Variants in FGF12 observed in about 807,000 individuals in gnomAD.
FGF12 encodes the protein fibroblast growth factor 12B.
Under a neutral mutation model 23.6 loss-of-function variants are expected in FGF12, and 14 were observed. The observed-to-expected ratio is 0.59, with a 90% CI of 0.39 to 0.93. The LOEUF (loss-of-function observed/expected upper bound fraction) is 0.93, where lower values mean the gene tolerates loss of function less well. Among genes scored for constraint, FGF12 ranks in the 40% least tolerant of loss-of-function variants. The probability of loss-of-function intolerance (pLI) is 0.00; values close to 1 mark genes in which losing one functional copy is unlikely to be tolerated. For missense variants in FGF12, 175 were observed against 217.8 expected, an observed-to-expected ratio of 0.80 and a Z score of 1.24; for synonymous variants, 62 against 77.3, an observed-to-expected ratio of 0.80 and a Z score of 1.04.
chr3:192,713,083 A>C (rs1718748216), intron 2 of FGF12, among the ~76,000 whole-genome samples: 2 of 151,528 alleles, frequency 1.3e-5, no homozygotes, highest in Non-Finnish European at 2.9e-5. Flanking sequence ...CACAGAAAAA[A>C]AACAAAATCT....
At chr3:192,432,562 T>G (rs1576977671) in intron 2 of FGF12, among the ~76,000 whole-genome samples, 1 of 129,564 alleles carries the variant, frequency 7.7e-6, no homozygotes. Context: ...GAACCGCCTG[T>G]GGGAAGGGCC....
chr3:192,273,888 G>A (rs1254870350), intron 4 of FGF12, among the ~76,000 whole-genome samples: 1 of 148,518 alleles, frequency 6.7e-6, no homozygotes, highest in East Asian at 2.1e-4. Context: ...GAGTCTTCAG[G>A]ATGTTAAGTG....
At chr3:192,257,954 T>A (rs959635564) in intron 4 of FGF12, among the ~76,000 whole-genome samples, 1 of 150,480 alleles carries the variant, frequency 6.6e-6, no homozygotes, top group African/African-American at 2.4e-5. Context: ...TAAATTCCAA[T>A]CCTTACGGTA....
intron 2 of FGF12, among the ~76,000 whole-genome samples, chr3:192,561,604 C>T (rs9835942): frequency 0.77 from 116,439 of 151,246 alleles, 45,678 homozygotes; most frequent in East Asian, 0.92. Flanking sequence ...CCTTGTGATC[C>T]GCCCGCCTCG....
At chr3:192,656,280 G>GAC (rs61645270) in intron 2 of FGF12, among the ~76,000 whole-genome samples, 2,390 of 110,422 alleles carry the variant, frequency 0.022, 22 homozygotes, top group Middle Eastern at 0.041. Context: ...AAGGTGAAAA[G>GAC]ACACACACAC....
chr3:192,340,782 T>A (rs929559981), intron 3 of FGF12, among the ~76,000 whole-genome samples: 13 of 152,142 alleles, frequency 8.5e-5, no homozygotes, highest in African/African-American at 3.1e-4. Context: ...ATTGGGCCCT[T>A]ATGTTATACC....
At chr3:192,406,672 A>C (rs1179927804) in intron 2 of FGF12, among the ~76,000 whole-genome samples, 2 of 152,226 alleles carry the variant, frequency 1.3e-5, no homozygotes, top group Non-Finnish European at 2.9e-5. Flanking sequence ...TTACCACTTT[A>C]TCATCATCAC....
chr3:192,546,394 T>C (rs541588484), intron 2 of FGF12, among the ~76,000 whole-genome samples: 32 of 151,326 alleles, frequency 2.1e-4, no homozygotes, highest in African/African-American at 6.3e-4. Flanking sequence ...AAATCAATTA[T>C]ATATATATAA....
intron 2 of FGF12, among the ~76,000 whole-genome samples, chr3:192,697,160 T>C (rs546328657): frequency 1.6e-4 from 24 of 151,938 alleles, no homozygotes; most frequent in African/African-American, 5.6e-4. Flanking sequence ...CAGGCTAATG[T>C]GGTGATTTAG....
intron 2 of FGF12, among the ~76,000 whole-genome samples, chr3:192,629,541 T>C (rs1440291257): frequency 6.6e-6 from 1 of 152,210 alleles, no homozygotes; most frequent in Non-Finnish European, 1.5e-5. Flanking sequence ...GATTGGACTT[T>C]TGATTGTTTG....
At chr3:192,487,308 T>C (rs1282024023) in intron 2 of FGF12, among the ~76,000 whole-genome samples, 2 of 152,150 alleles carry the variant, frequency 1.3e-5, no homozygotes, top group East Asian at 3.9e-4. Context: ...GAAACCTTGG[T>C]AAAGACTATG....
chr3:192,362,868 G>A (rs1197387651), intron 2 of FGF12, among the ~76,000 whole-genome samples: 1 of 152,098 alleles, frequency 6.6e-6, no homozygotes, highest in African/African-American at 2.4e-5. Flanking sequence ...AATATTAACT[G>A]AGCTTGTAAA....
At chr3:192,340,119 T>C (rs1458488112) in intron 3 of FGF12, among the ~76,000 whole-genome samples, 1 of 152,006 alleles carries the variant, frequency 6.6e-6, no homozygotes, top group Non-Finnish European at 1.5e-5. Context: ...CTCCATCTTT[T>C]TGCTAACTTA....
Position 192,140,811 on chromosome 3 carries a change from G to A in FGF12, c.*3198C>T, listed in dbSNP as rs887474907. 12 of 151,764 alleles carry A rather than the reference G, an allele frequency of 7.9e-5. No individual in the cohort carries two copies. Among genetic ancestry groups the A allele is most frequent in the African/African-American group, 2.9e-4 (12 of 41,364 alleles). The allele number at this position is 151,764 out of a possible 1,614,324, so 9.4% of individuals were successfully genotyped here. A position where few individuals can be genotyped will look rare whatever the true frequency, so the allele number is the denominator to read the frequency against. On this transcript the variant is annotated 3_prime_UTR_variant, in exon 6 of 6. Transcript: ENST00000445105. ...TGTATGTAAATTTCAAAGCCAAAACGATTACTATGAGAATAGGATGGCTTG... is the reference window on the plus strand; with the variant it reads ...TGTATGTAAATTTCAAAGCCAAAACAATTACTATGAGAATAGGATGGCTTG...
chr3:192,260,902 G>A (rs910218688), intron 4 of FGF12, among the ~76,000 whole-genome samples: 3 of 152,048 alleles, frequency 2.0e-5, no homozygotes, highest in Admixed American at 2.0e-4. Context: ...GGAGAGTACC[G>A]CTGTATTGAG....
chr3:192,672,023 G>A (rs758633090), intron 2 of FGF12, among the ~76,000 whole-genome samples: 5 of 152,182 alleles, frequency 3.3e-5, no homozygotes, highest in Non-Finnish European at 5.9e-5. Flanking sequence ...GACAGAGTGC[G>A]GCTTACTCAA....
chr3:192,215,476 C>T (rs766767065), intron 4 of FGF12, among the ~76,000 whole-genome samples: 3 of 152,194 alleles, frequency 2.0e-5, no homozygotes, highest in Non-Finnish European at 4.4e-5. Context: ...AAGATTTTTA[C>T]TTACTACACA....
chr3:192,154,726 A>T (rs896741312), intron 5 of FGF12, among the ~76,000 whole-genome samples: 1 of 143,238 alleles, frequency 7.0e-6, no homozygotes, highest in South Asian at 2.4e-4. Context: ...AAGCTGTCAG[A>T]CAGGGACCTT....
intron 2 of FGF12, among the ~76,000 whole-genome samples, chr3:192,576,995 G>A (rs1373309383): frequency 1.3e-5 from 2 of 152,152 alleles, no homozygotes; most frequent in Non-Finnish European, 2.9e-5. Flanking sequence ...TCATAAGTGG[G>A]AATTGAACAA....
Sources: gnomAD v4.1 joint callset for allele counts (sites outside exome capture counted in the v4.1 genomes callset) on GRCh38, gnomAD v4.1.1 for gene constraint, MANE v1.5 for transcripts, NCBI Gene and HGNC (gene_info 2026-07-23, HGNC 2026-07-21) for gene names.